Variants in GPC5 observed in about 807,000 individuals in gnomAD.
GPC5 encodes the protein glypican 5.
Under a neutral mutation model 53.9 loss-of-function variants are expected in GPC5, and 47 were observed. The ratio of observed to expected loss-of-function variants is 0.87; its 90% CI spans 0.69 to 1.11. The LOEUF (loss-of-function observed/expected upper bound fraction) is 1.11. Ranked by LOEUF, GPC5 falls within the 50% of genes most tolerant of loss-of-function variation. The probability of loss-of-function intolerance (pLI) is 0.00; values close to 1 mark genes in which losing one functional copy is unlikely to be tolerated. For synonymous variants in GPC5, 286 were observed against 263.3 expected (o/e 1.09, Z -0.84); for missense variants, 748 against 713.1 (o/e 1.05, Z -0.56).
At chr13:91,861,226 A>G (rs1044611796) in intron 5 of GPC5, among the ~76,000 whole-genome samples, 2 of 152,188 alleles carry the variant, frequency 1.3e-5, no homozygotes, top group Non-Finnish European at 2.9e-5. Context: ...AATAAGATCA[A>G]AGTGATTTGT....
chr13:92,383,728 A>T (rs1427869396), intron 7 of GPC5, among the ~76,000 whole-genome samples: 3 of 152,202 alleles, frequency 2.0e-5, no homozygotes, highest in Non-Finnish European at 4.4e-5. Flanking sequence ...CATGAGAAAG[A>T]TACATCAATT....
chr13:92,577,060 T>G (rs1215503786), intron 7 of GPC5, among the ~76,000 whole-genome samples: 1 of 152,192 alleles, frequency 6.6e-6, no homozygotes, highest in Non-Finnish European at 1.5e-5. Flanking sequence ...TAGTAAGCTG[T>G]GTAATTTTAT....
chr13:91,863,393 TC>T (rs1457792359), intron 5 of GPC5, among the ~76,000 whole-genome samples: 1 of 152,190 alleles, frequency 6.6e-6, no homozygotes, highest in Non-Finnish European at 1.5e-5. Context: ...GTTTCTTTAT[TC>T]TTTTTTGTTT....
intron 6 of GPC5, among the ~76,000 whole-genome samples, chr13:91,998,176 C>T (rs1370629869): frequency 6.6e-6 from 1 of 152,168 alleles, no homozygotes; most frequent in African/African-American, 2.4e-5. Flanking sequence ...CACTTACTGC[C>T]CGTGTAGGGC....
At chr13:91,549,120 T>G (rs886113209) in intron 2 of GPC5, among the ~76,000 whole-genome samples, 5 of 151,782 alleles carry the variant, frequency 3.3e-5, no homozygotes, top group African/African-American at 1.2e-4. Flanking sequence ...AATAGAAAAA[T>G]TGGCTGGGTA....
chr13:91,553,900 G>A (rs1714274370), intron 2 of GPC5, among the ~76,000 whole-genome samples: 1 of 152,060 alleles, frequency 6.6e-6, no homozygotes, highest in Non-Finnish European at 1.5e-5. Flanking sequence ...AGCAATGAAT[G>A]AAAGATGCAA....
At chr13:92,633,175 G>A (rs1448089162) in intron 7 of GPC5, among the ~76,000 whole-genome samples, 2 of 152,142 alleles carry the variant, frequency 1.3e-5, no homozygotes, top group Non-Finnish European at 1.5e-5. Flanking sequence ...TTACAGGCGT[G>A]AGCCACCACG....
At chr13:92,234,169 T>C (rs1202645796) in intron 7 of GPC5, among the ~76,000 whole-genome samples, 1 of 152,188 alleles carries the variant, frequency 6.6e-6, no homozygotes, top group Non-Finnish European at 1.5e-5. Context: ...TTTGGGTATA[T>C]ACCCAGTAAT....
chr13:92,282,729 G>C (rs1414078738), intron 7 of GPC5, among the ~76,000 whole-genome samples: 4 of 152,094 alleles, frequency 2.6e-5, no homozygotes, highest in African/African-American at 9.7e-5. Flanking sequence ...CCCTACAAGA[G>C]TTCAGGAAGG....
intron 3 of GPC5, among the ~76,000 whole-genome samples, chr13:91,701,187 C>A (rs757657088): frequency 7.9e-5 from 12 of 151,988 alleles, no homozygotes; most frequent in Non-Finnish European, 1.5e-4. Context: ...TATCCTTCAC[C>A]TCATGTACAC....
At chr13:92,132,686 T>G (rs1400758056) in intron 6 of GPC5, among the ~76,000 whole-genome samples, 1 of 152,146 alleles carries the variant, frequency 6.6e-6, no homozygotes, top group Non-Finnish European at 1.5e-5. Flanking sequence ...GGGCCCACCC[T>G]AATGATTCCA....
At chr13:92,271,026 A>G (rs531217552) in intron 7 of GPC5, among the ~76,000 whole-genome samples, 2 of 152,342 alleles carry the variant, frequency 1.3e-5, no homozygotes, top group South Asian at 4.1e-4. Context: ...TAGAGGCTCT[A>G]TGAGGTCTAC....
rs375836830 is a variant in GPC5, at chr13:91,904,204, T to G, written c.1281-3733T>G. Among the ~76,000 whole-genome samples the G allele has an allele frequency of 1.7e-4, 25 of 146,512 alleles. No homozygotes were observed. The South Asian group carries it at 4.8e-3, about 28-fold the overall frequency. ...GTTGCCCAGGCTTGAGGTCTGTGAG[T>G]TTTATACTCATGGTCACATGGTCAG... On this transcript the variant is annotated intron_variant, in intron 5 of 7. Coordinates refer to ENST00000377067, the MANE Select transcript of GPC5 (RefSeq NM_004466.6).
chr13:91,880,876 C>T (rs144959494), intron 5 of GPC5, among the ~76,000 whole-genome samples: 2,106 of 152,066 alleles, frequency 0.014, 26 homozygotes, highest in Non-Finnish European at 0.023. Flanking sequence ...CTGCAACCTC[C>T]GCCTCCCGGG....
chr13:92,224,095 A>C (rs1211703293), intron 7 of GPC5, among the ~76,000 whole-genome samples: 1 of 152,156 alleles, frequency 6.6e-6, no homozygotes, highest in Non-Finnish European at 1.5e-5. Flanking sequence ...GCATAAATGA[A>C]AGATTATGGT....
At chr13:91,862,179 A>C (rs747119917) in intron 5 of GPC5, among the ~76,000 whole-genome samples, 2 of 152,196 alleles carry the variant, frequency 1.3e-5, no homozygotes, top group Non-Finnish European at 2.9e-5. Flanking sequence ...TTCAGACTAA[A>C]AAATTTCTGT....
intron 6 of GPC5, among the ~76,000 whole-genome samples, chr13:91,967,834 T>C (rs1480693732): frequency 6.6e-6 from 1 of 152,140 alleles, no homozygotes; most frequent in Non-Finnish European, 1.5e-5. Context: ...TCTGGCCATA[T>C]TAGAGAGCTC....
chr13:91,595,231 A>T (rs9284266), intron 2 of GPC5, among the ~76,000 whole-genome samples: 124,656 of 151,688 alleles, frequency 0.82, 54,370 homozygotes, highest in Non-Finnish European at 0.96. Flanking sequence ...GTTGGCCAGG[A>T]TGGCCTCGTT....
intron 7 of GPC5, among the ~76,000 whole-genome samples, chr13:92,217,876 A>G (rs1480330920): frequency 6.9e-6 from 1 of 144,160 alleles, no homozygotes; most frequent in East Asian, 2.0e-4. Context: ...AATATTTTAT[A>G]CCCCAGCAAT....
Sources: allele counts gnomAD v4.1 joint callset (sites outside exome capture counted in the v4.1 genomes callset), GRCh38; gene constraint gnomAD v4.1.1; transcripts MANE v1.5; gene names NCBI Gene and HGNC (gene_info 2026-07-23, HGNC 2026-07-21).